ENOX1: variants seen among roughly 807,000 people sequenced by gnomAD.
ENOX1 encodes the protein ecto-NOX disulfide-thiol exchanger 1, also known as candidate growth-related and time keeping constitutive hydroquinone (NADH) oxidase.
Under a neutral mutation model 82.5 loss-of-function variants are expected in ENOX1, and 42 were observed. The ratio of observed to expected loss-of-function variants is 0.51; its 90% confidence interval spans 0.40 to 0.66. The LOEUF (loss-of-function observed/expected upper bound fraction) is 0.66. Among genes scored for constraint, ENOX1 ranks in the 30% least tolerant of loss-of-function variants. The pLI is 0.00. For synonymous variants in ENOX1, 271 were observed against 282.2 expected (o/e 0.96, Z 0.40); for missense variants, 608 against 811.6 (o/e 0.75, Z 3.05).
In ENOX1 at chr13:43,298,442, C is replaced by T. The variant is rs2046395957; in HGVS notation, c.1350G>A (p.Leu450=). ...LDAYRNEVEL[L]KQEKEQLFRT... ...GGAAAAGCTGTTCTTTTTCTTGTTT[C>T]AGCAGCTCCACCTCATTCCTGTAGG... The change falls in exon 12 of 17, where the codon CTG becomes CTA. Residue 450 remains leucine (L), a synonymous_variant. Transcript: ENST00000690772. The T allele has an allele frequency of 6.2e-7, 1 of 1,614,016 alleles. No homozygotes were observed. The highest frequency in any genetic ancestry group is 8.5e-7 in the Non-Finnish European group (1 of 1,180,020).
intron 13 of ENOX1, among the ~76,000 whole-genome samples, chr13:43,266,453 G>A (rs528273043): frequency 4.6e-5 from 7 of 152,128 alleles, no homozygotes; most frequent in South Asian, 4.2e-4. Flanking sequence ...AGCCCTACCC[G>A]CTCCATGCCA....
intron 5 of ENOX1, among the ~76,000 whole-genome samples, chr13:43,397,577 T>C (rs999896773): frequency 2.6e-5 from 4 of 152,248 alleles, no homozygotes; most frequent in African/African-American, 9.6e-5. Context: ...AAAGACTTAC[T>C]GAACTTTAAG....
rs1263300034 is a variant in ENOX1 at position 43,559,244 on chromosome 13, T to C, written c.-218-75092A>G. ...ATCCTCAAATATGCAAGGGGCTTAT[T>C]CACAAAATGCTTCACAAAAAATGGC... On this transcript the variant is annotated intron_variant, in intron 2 of 16. Coordinates refer to ENST00000690772, the MANE Select transcript of ENOX1 (RefSeq NM_001347969.2). 3.3e-5 allele frequency among the ~76,000 whole-genome samples: 5 copies of C among 152,218 alleles called. No homozygotes were observed. In the East Asian group the frequency reaches 9.6e-4, roughly 29 times the overall value.
intron 1 of ENOX1, among the ~76,000 whole-genome samples, chr13:43,768,775 C>T (rs1951428855): frequency 6.6e-6 from 1 of 152,194 alleles, no homozygotes; most frequent in Non-Finnish European, 1.5e-5. Flanking sequence ...ATGAATACTC[C>T]CAACTAGCAG....
chr13:43,361,420 G>T lies in ENOX1; in HGVS notation c.241C>A (p.Leu81Ile). 6.2e-7 allele frequency: 1 copy of T among 1,612,762 alleles called. No individual in the cohort carries two copies. Among genetic ancestry groups the T allele is most frequent in the Non-Finnish European group, 8.5e-7 (1 of 1,179,724 alleles). The change falls in exon 6 of 17, where the codon CTC (leucine) becomes ATC (isoleucine). Residue 81 changes from leucine to isoleucine, a missense_variant. Leu to Ile is a conservative substitution (Grantham distance 5). Transcript: ENST00000690772. ...GGGGTGATTCCAGTCATCATGTTGA[G>T]GCTTGGATCAAAGCCTGGGACACAG... ...SICVPGFDPS[L>I]NMMTGITPIN... is the part of the protein sequence containing the mutation.
chr13:43,472,305 T>C (rs1593375992), intron 3 of ENOX1, among the ~76,000 whole-genome samples: 1 of 152,190 alleles, frequency 6.6e-6, no homozygotes, highest in Admixed American at 6.5e-5. Flanking sequence ...AGACAATGTT[T>C]GCACACTTTG....
At chr13:43,298,601 A>G in intron 11 of ENOX1, 71 bp from the exon 12 acceptor site, 2 of 1,414,260 alleles carry the variant, frequency 1.4e-6, no homozygotes, top group African/African-American at 1.4e-5. Context: ...TCTGTGGGAA[A>G]GGGAGTCTGT....
intron 1 of ENOX1, among the ~76,000 whole-genome samples, chr13:43,734,682 C>T (rs1336775017): frequency 6.6e-6 from 1 of 152,136 alleles, no homozygotes. Context: ...GCAATGACAA[C>T]TCTCTATCAT....
chr13:43,316,831 T>A (rs2047522979), intron 11 of ENOX1, among the ~76,000 whole-genome samples: 1 of 151,780 alleles, frequency 6.6e-6, no homozygotes, highest in South Asian at 2.1e-4. Context: ...AATGAAACTC[T>A]GTTTAGAGTT....
intron 11 of ENOX1, among the ~76,000 whole-genome samples, chr13:43,315,869 G>A (rs1479216973): frequency 6.6e-6 from 1 of 152,148 alleles, no homozygotes; most frequent in Non-Finnish European, 1.5e-5. Context: ...AACCTTACCG[G>A]AATGAAATGC....
At chr13:43,413,607 G>T (rs974031468) in intron 3 of ENOX1, among the ~76,000 whole-genome samples, 246 of 151,086 alleles carry the variant, frequency 1.6e-3, no homozygotes, top group Admixed American at 2.3e-3. Context: ...AGAGCATTTG[G>T]TTTTTTCAGC....
intron 3 of ENOX1, among the ~76,000 whole-genome samples, chr13:43,414,084 C>A (rs1033098734): frequency 6.6e-6 from 1 of 151,920 alleles, no homozygotes; most frequent in Non-Finnish European, 1.5e-5. Flanking sequence ...AAGTTCGAAC[C>A]TTTTATGGCA....
intron 11 of ENOX1, among the ~76,000 whole-genome samples, chr13:43,313,651 T>C (rs1306437899): frequency 6.6e-6 from 1 of 152,228 alleles, no homozygotes; most frequent in African/African-American, 2.4e-5. Context: ...TTTTGACCTA[T>C]ATCCTCACAG....
At chr13:43,746,472 G>A (rs1309442598) in intron 1 of ENOX1, among the ~76,000 whole-genome samples, 1 of 152,088 alleles carries the variant, frequency 6.6e-6, no homozygotes, top group Non-Finnish European at 1.5e-5. Context: ...GACAGGCAGT[G>A]TAATTAAGGA....
intron 5 of ENOX1, among the ~76,000 whole-genome samples, chr13:43,397,807 A>G (rs937059275): frequency 6.6e-6 from 1 of 152,216 alleles, no homozygotes; most frequent in African/African-American, 2.4e-5. Context: ...AAATGAGATT[A>G]TATACTGTGT....
Position 43,406,695 on chromosome 13 carries a change from G to A in ENOX1, c.208+5221C>T, listed in dbSNP as rs111893912. ...TTTTTAGTAGAGATGGGGTTTCACC[G>A]TGTTAGCCAGGATAGTCTCAATCTC... is the stretch of plus-strand genomic sequence containing the variant. On this transcript the variant is annotated intron_variant, in intron 5 of 16. Transcript: ENST00000690772. 5.5e-3 allele frequency among the ~76,000 whole-genome samples: 840 copies of A among 151,938 alleles called. 4 individuals carry two copies. The highest frequency in any genetic ancestry group is 0.019 in the African/African-American group (784 of 41,450).
chr13:43,457,008 C>T (rs945863222), intron 3 of ENOX1, among the ~76,000 whole-genome samples: 36 of 151,792 alleles, frequency 2.4e-4, no homozygotes, highest in Non-Finnish European at 1.0e-4. Flanking sequence ...GCTTTGTGTC[C>T]CTGCTTTGTG....
At position 43,341,832 on chromosome 13, in the gene ENOX1, C is replaced by T. The variant is rs1452869095; in HGVS notation, c.1036+2706G>A. Among the ~76,000 whole-genome samples the T allele has an allele frequency of 4.6e-5, 7 of 152,286 alleles. No individual in the cohort carries two copies. The East Asian group carries it at 5.8e-4, about 13-fold the overall frequency. The stretch of plus-strand genomic sequence containing the variant: ...AGGCCCAGTCAAAAATTATATTTCT[C>T]GCATTCTTTGTAGTTAGGCATGGCC... On this transcript the variant is annotated intron_variant, in intron 9 of 16. Transcript: ENST00000690772.
At chr13:43,252,989 C>T (rs2043543181) in intron 14 of ENOX1, among the ~76,000 whole-genome samples, 2 of 152,218 alleles carry the variant, frequency 1.3e-5, no homozygotes, top group South Asian at 4.1e-4. Context: ...CAAGTCCAAT[C>T]TTTGTTTCCC....
Sources: gnomAD v4.1 joint callset for allele counts (sites outside exome capture counted in the v4.1 genomes callset) on GRCh38, gnomAD v4.1.1 for gene constraint, MANE v1.5 for transcripts, NCBI Gene and HGNC (gene_info 2026-07-23, HGNC 2026-07-21) for gene names.